Variants in PTPRN2 observed in about 807,000 individuals in gnomAD.
PTPRN2 encodes the protein receptor-type tyrosine-protein phosphatase N2.
A neutral mutation model predicts 118.8 loss-of-function variants in PTPRN2; 74 were observed. The ratio of observed to expected loss-of-function variants is 0.62; its 90% confidence interval spans 0.52 to 0.76. PTPRN2 has a LOEUF of 0.76. Among genes scored for constraint, PTPRN2 ranks in the 30% least tolerant of loss-of-function variants. The pLI, the probability that PTPRN2 is intolerant of heterozygous loss-of-function variation, is 0.00. For missense variants in PTPRN2, 1,481 were observed against 1,394.4 expected (o/e 1.06, Z -0.99); for synonymous variants, 641 against 608.0 (o/e 1.05, Z -0.80).
intron 2 of PTPRN2, among the ~76,000 whole-genome samples, chr7:158,366,341 C>T (rs1228261705): frequency 2.0e-5 from 3 of 146,392 alleles, no homozygotes; most frequent in Non-Finnish European, 3.0e-5. Flanking sequence ...CCACAGCATC[C>T]CCGGGAGAAG....
intron 1 of PTPRN2, among the ~76,000 whole-genome samples, chr7:158,580,105 C>T (rs1254377316): frequency 5.3e-5 from 8 of 152,254 alleles, no homozygotes; most frequent in Admixed American, 3.3e-4. Context: ...CACTGCTTTA[C>T]CTATGTTCCA....
chr7:158,151,128 CGCCCGCCTTTCT>C (rs1563520962), intron 6 of PTPRN2, among the ~76,000 whole-genome samples: 14 of 104,686 alleles, frequency 1.3e-4, no homozygotes, highest in Non-Finnish European at 2.0e-4. Context: ...CTGCCCACAC[CGCCCGCCTTTCT>C]ATTCCTGCCT....
intron 3 of PTPRN2, among the ~76,000 whole-genome samples, chr7:158,262,308 C>T (rs1293774689): frequency 2.0e-5 from 3 of 151,652 alleles, no homozygotes; most frequent in African/African-American, 7.3e-5. Flanking sequence ...CACACATTCA[C>T]ACACTGCACA....
In PTPRN2 at chr7:158,236,569, C is replaced by T. The variant is rs542589469; in HGVS notation, c.278-31296G>A. ...TCTGACATGCACCAGCTGTGAGCCTCGAGATGCCTCAAGTATGTCTTCATG... is the reference window on the plus strand; with the variant it reads ...TCTGACATGCACCAGCTGTGAGCCTTGAGATGCCTCAAGTATGTCTTCATG... On this transcript the variant is annotated intron_variant, in intron 3 of 22. Transcript: ENST00000389418. Among the ~76,000 whole-genome samples, 24 of 152,234 alleles carry T rather than the reference C, an allele frequency of 1.6e-4. No homozygotes were observed. In the South Asian group the frequency reaches 3.7e-3, roughly 24 times the overall value.
At position 158,294,530 on chromosome 7, in the gene PTPRN2, G is replaced by A. The variant is rs59928517; in HGVS notation, c.277+22289C>T. On this transcript the variant is annotated intron_variant, in intron 3 of 22. Coordinates refer to ENST00000389418, the MANE Select transcript of PTPRN2 (RefSeq NM_002847.5). ...ATCTACTCATTTGGGAATAAGTCAC[G>A]TAATTCCCGGCCCTCAGCTCCTCAA... Among the ~76,000 whole-genome samples the A allele has an allele frequency of 6.4e-3, 974 of 152,270 alleles. 8 individuals are homozygous for A. Among genetic ancestry groups the A allele is most frequent in the African/African-American group, 0.022 (910 of 41,552 alleles).
chr7:158,557,093 TGCAGGTCGCTCCTGG>T (rs1242598845), intron 1 of PTPRN2, among the ~76,000 whole-genome samples: 7 of 111,590 alleles, frequency 6.3e-5, no homozygotes, highest in Admixed American at 1.9e-4. Context: ...GCGGCTCCTG[TGCAGGTCGCTCCTGG>T]GCAGGTCGCT....
chr7:157,793,990 T>C (rs1406419193), intron 12 of PTPRN2, among the ~76,000 whole-genome samples: 1 of 152,148 alleles, frequency 6.6e-6, no homozygotes, highest in Non-Finnish European at 1.5e-5. Flanking sequence ...CCACAGCCCC[T>C]TCCCGGGTCC....
chr7:158,301,161 A>T (rs1389498540), intron 3 of PTPRN2, among the ~76,000 whole-genome samples: 3 of 152,178 alleles, frequency 2.0e-5, no homozygotes, highest in Non-Finnish European at 4.4e-5. Flanking sequence ...TTATACTATA[A>T]CTAGTTCCTT....
intron 11 of PTPRN2, among the ~76,000 whole-genome samples, chr7:157,900,423 C>G (rs766333937): frequency 6.6e-6 from 1 of 152,234 alleles, no homozygotes; most frequent in African/African-American, 2.4e-5. Context: ...CAGGGTGTCA[C>G]GAGCAGTGAG....
intron 12 of PTPRN2, among the ~76,000 whole-genome samples, chr7:157,741,605 G>A (rs1013845262): frequency 6.6e-6 from 1 of 152,180 alleles, no homozygotes; most frequent in Non-Finnish European, 1.5e-5. Flanking sequence ...AGCAAGACCC[G>A]TCCACATGAC....
At chr7:158,161,012 T>C (rs1822308677) in intron 6 of PTPRN2, among the ~76,000 whole-genome samples, 1 of 152,222 alleles carries the variant, frequency 6.6e-6, no homozygotes, top group South Asian at 2.1e-4. Context: ...GAGACTGTGA[T>C]TTTCAGGATT....
At chr7:157,580,506 G>A (rs1163756330) in intron 17 of PTPRN2, among the ~76,000 whole-genome samples, 54 of 91,150 alleles carry the variant, frequency 5.9e-4, no homozygotes, top group East Asian at 7.0e-4. Context: ...TGCACACCGT[G>A]GCACCTGCAC....
chr7:158,303,641 C>T (rs1801062776), intron 3 of PTPRN2, among the ~76,000 whole-genome samples: 1 of 152,158 alleles, frequency 6.6e-6, no homozygotes, highest in Non-Finnish European at 1.5e-5. Context: ...AAACAAGCTT[C>T]AGAGAGTGTT....
intron 12 of PTPRN2, among the ~76,000 whole-genome samples, chr7:157,694,081 A>G (rs1797655681): frequency 6.6e-6 from 1 of 152,276 alleles, no homozygotes; most frequent in Admixed American, 6.5e-5. Context: ...ACATGACCTG[A>G]CAGTGAATAC....
At chr7:158,100,526 G>A (rs1815149053) in intron 10 of PTPRN2, among the ~76,000 whole-genome samples, 2 of 152,172 alleles carry the variant, frequency 1.3e-5, no homozygotes, top group Admixed American at 1.3e-4. Flanking sequence ...CAGCAGTGTA[G>A]AAGTGTTCCC....
chr7:157,867,063 G>A (rs1584911318), intron 12 of PTPRN2, among the ~76,000 whole-genome samples: 1 of 59,364 alleles, frequency 1.7e-5, no homozygotes, highest in Non-Finnish European at 3.2e-5. Context: ...CGCCCCTGAC[G>A]CCCTGGATAC....
At chr7:158,020,248 C>A (rs1178807564) in intron 11 of PTPRN2, among the ~76,000 whole-genome samples, 2 of 152,246 alleles carry the variant, frequency 1.3e-5, no homozygotes, top group Non-Finnish European at 2.9e-5. Flanking sequence ...CAACTTACCT[C>A]CTTCAGCCAA....
chr7:157,766,035 C>G (rs985635372), intron 12 of PTPRN2, among the ~76,000 whole-genome samples: 8 of 150,776 alleles, frequency 5.3e-5, no homozygotes, highest in Admixed American at 5.3e-4. Context: ...ATCCATCCAA[C>G]CAACCATTCA....
chr7:158,274,109 AGGAGCCGCAGACACGG>A (rs1160634557), intron 3 of PTPRN2, among the ~76,000 whole-genome samples: 172 of 77,082 alleles, frequency 2.2e-3, no homozygotes, highest in African/African-American at 4.1e-3. Context: ...CAGACATGGG[AGGAGCCGCAGACACGG>A]GGAGCCGCAG....
Sources: allele counts gnomAD v4.1 joint callset (sites outside exome capture counted in the v4.1 genomes callset), GRCh38; gene constraint gnomAD v4.1.1; transcripts MANE v1.5; gene names NCBI Gene and HGNC (gene_info 2026-07-23, HGNC 2026-07-21).